OCM: variants seen among roughly 807,000 people sequenced by gnomAD.
The protein encoded by OCM is oncomodulin.
In OCM, 18 loss-of-function variants were observed where a neutral mutation model predicts 14.1. The observed-to-expected ratio is 1.28, with a 90% CI of 0.88 to 1.89. The LOEUF (loss-of-function observed/expected upper bound fraction) is 1.89, where lower values mean the gene tolerates loss of function less well. Ranked by LOEUF, OCM falls within the 40% of genes most tolerant of loss-of-function variation. The pLI is 0.00. For missense variants in OCM, 140 were observed against 137.6 expected (o/e 1.02, Z -0.09); for synonymous variants, 48 against 51.0 (o/e 0.94, Z 0.25).
the OCM span, among the ~76,000 whole-genome samples, chr7:5,861,311 C>T: frequency 0.021 from 3,199 of 152,022 alleles, 105 homozygotes; most frequent in African/African-American, 0.068. Flanking sequence ...ATCCCAGCTA[C>T]TTGGGAGGCT....
chr7:5,874,014 G>A, the OCM span, among the ~76,000 whole-genome samples: 1 of 150,602 alleles, frequency 6.6e-6, no homozygotes, highest in East Asian at 1.9e-4. Flanking sequence ...TCAGGAGTTG[G>A]AGACCAGCCT....
At chr7:5,865,097 GTCA>G in the OCM span, among the ~76,000 whole-genome samples, 1 of 152,154 alleles carries the variant, frequency 6.6e-6, no homozygotes, top group Non-Finnish European at 1.5e-5. Context: ...CAAATTTGTT[GTCA>G]TCATGACCCA....
intron 3 of OCM, 61 bp from the exon 4 acceptor site, chr7:5,886,003 G>T: frequency 6.2e-7 from 1 of 1,612,106 alleles, no homozygotes; most frequent in Non-Finnish European, 8.5e-7. Context: ...CATTGGCCAC[G>T]GCACGTCTGT....
At chr7:5,868,274 G>C in the OCM span, among the ~76,000 whole-genome samples, 1 of 152,002 alleles carries the variant, frequency 6.6e-6, no homozygotes, top group Admixed American at 6.6e-5. Flanking sequence ...AACCTCCTGA[G>C]TAGCTGGAGT....
chr7:5,864,061 C>A, the OCM span, among the ~76,000 whole-genome samples: 1 of 151,936 alleles, frequency 6.6e-6, no homozygotes, highest in Non-Finnish European at 1.5e-5. Flanking sequence ...AAGAGGGGGC[C>A]AGGTGCTGTG....
the OCM span, among the ~76,000 whole-genome samples, chr7:5,873,436 T>A: frequency 6.6e-6 from 1 of 152,134 alleles, no homozygotes; most frequent in African/African-American, 2.4e-5. Context: ...TGGTGGTACA[T>A]GCCTGTAGTC....
intron 1 of OCM, among the ~76,000 whole-genome samples, chr7:5,881,220 G>C (rs549889431): frequency 1.3e-5 from 2 of 151,588 alleles, no homozygotes; most frequent in Non-Finnish European, 2.9e-5. Context: ...TCGGGAGGCT[G>C]AGGCAGAGAA....
the OCM span, among the ~76,000 whole-genome samples, chr7:5,867,074 A>T: frequency 1.3e-5 from 2 of 152,162 alleles, no homozygotes; most frequent in African/African-American, 4.8e-5. Context: ...CGTTGAGGTG[A>T]TTTCCAATTG....
chr7:5,880,966 G>A lies in OCM; in HGVS notation c.61+16G>A. 2 of 1,610,146 alleles carry A rather than the reference G, an allele frequency of 1.2e-6. No homozygotes were observed. The highest frequency in any genetic ancestry group is 1.7e-6 in the Non-Finnish European group (2 of 1,176,568). ...GAATGCCGAGGTAGAGGGGACGTGA[G>A]GCGGGGGTGGGATTTCCTCACAGCT... On this transcript the variant is annotated intron_variant, in intron 1 of 3. Coordinates refer to ENST00000242104, the MANE Select transcript of OCM (RefSeq NM_001097622.2).
At chr7:5,861,436 A>G in the OCM span, among the ~76,000 whole-genome samples, 1 of 151,792 alleles carries the variant, frequency 6.6e-6, no homozygotes, top group East Asian at 1.9e-4. Flanking sequence ...AAAAAAAAAG[A>G]ATCCCAGTTC....
rs2128607181 is a variant in OCM, at chr7:5,883,990, G to T, written c.295G>T (p.Gly99Ter). Residue 99 changes from glycine (G) to a stop codon, truncating the protein, a stop_gained, in exon 3 of 4, where the codon GGA (glycine) becomes TGA (stop). Transcript: ENST00000242104. LOFTEE classifies it high-confidence loss of function. ...AADNDGDGKIGAEEFQEMVHS is the reference protein window; with the variant it reads ...AADNDGDGKI ...GGATAATGATGGAGATGGGAAAATT[G>T]GAGCAGAGGGTATGTCCACACGTGT... 2 of 1,612,438 alleles carry T rather than the reference G, an allele frequency of 1.2e-6. No individual in the cohort carries two copies. Among genetic ancestry groups the T allele is most frequent in the East Asian group, 4.5e-5 (2 of 44,854 alleles).
At chr7:5,860,564 CGT>C in the OCM span, among the ~76,000 whole-genome samples, 11 of 60,922 alleles carry the variant, frequency 1.8e-4, 2 homozygotes, top group African/African-American at 6.2e-4. Flanking sequence ...TGTATATATA[CGT>C]GTGTATATAT....
chr7:5,860,088 A>G, the OCM span, among the ~76,000 whole-genome samples: 4 of 151,968 alleles, frequency 2.6e-5, no homozygotes, highest in African/African-American at 9.7e-5. Flanking sequence ...CACATCATGG[A>G]CAAGTGAAGA....
upstream of OCM, chr7:5,880,653 G>A: frequency 4.6e-6 from 2 of 435,866 alleles, no homozygotes; most frequent in South Asian, 7.1e-5. Context: ...CAGCTACTGG[G>A]AAGGCTTAGG....
chr7:5,882,467 A>C (rs1781237147), intron 1 of OCM, 26 bp from the exon 2 acceptor site: 1 of 1,599,092 alleles, frequency 6.3e-7, no homozygotes, highest in Non-Finnish European at 8.5e-7. Context: ...AACAAGCGTC[A>C]GAATAACCAA....
the OCM span, among the ~76,000 whole-genome samples, chr7:5,865,190 G>A: frequency 2.6e-5 from 4 of 152,068 alleles, no homozygotes; most frequent in Admixed American, 6.6e-5. Flanking sequence ...GACGAGTAGT[G>A]TGATTTGCAA....
chr7:5,884,846 G>A (rs899139332), intron 3 of OCM, among the ~76,000 whole-genome samples: 17 of 152,236 alleles, frequency 1.1e-4, no homozygotes, highest in Non-Finnish European at 1.8e-4. Context: ...GGGGCTGGGC[G>A]TGGTGGCTCA....
chr7:5,865,855 C>A, the OCM span, among the ~76,000 whole-genome samples: 1 of 152,202 alleles, frequency 6.6e-6, no homozygotes, highest in South Asian at 2.1e-4. Context: ...TTCTTTTATT[C>A]ATTTTCGGAA....
chr7:5,873,107 G>C, the OCM span, among the ~76,000 whole-genome samples: 1 of 152,116 alleles, frequency 6.6e-6, no homozygotes, highest in Non-Finnish European at 1.5e-5. Flanking sequence ...AGGCACAGTG[G>C]CTCATACCTG....
Sources: gnomAD v4.1 joint callset for allele counts (sites outside exome capture counted in the v4.1 genomes callset) on GRCh38, gnomAD v4.1.1 for gene constraint, MANE v1.5 for transcripts, NCBI Gene and HGNC (gene_info 2026-07-23, HGNC 2026-07-21) for gene names.